The following ZNF608 variants were observed in gnomAD, a reference collection of about 807,000 sequenced individuals.
The protein encoded by ZNF608 is zinc finger protein 608.
ZNF608 carries 12 observed loss-of-function variants against 109.0 expected under a neutral mutation model. The ratio of observed to expected loss-of-function variants is 0.11; its 90% CI spans 0.07 to 0.18. The LOEUF (loss-of-function observed/expected upper bound fraction) is 0.18, where lower values mean the gene tolerates loss of function less well. Ranked by LOEUF, ZNF608 falls within the 10% of genes least tolerant of loss-of-function variation. The pLI is 1.00. For synonymous variants in ZNF608, 732 were observed against 717.4 expected (o/e 1.02, Z -0.33); for missense variants, 1,707 against 1,879.3 (o/e 0.91, Z 1.70).
chr5:124,690,947 AC>A (rs1390263242), intron 3 of ZNF608, among the ~76,000 whole-genome samples: 26 of 104,224 alleles, frequency 2.5e-4, no homozygotes, highest in African/African-American at 7.5e-4. Flanking sequence ...ACACACACAC[AC>A]ACACACATAA....
chr5:124,747,555 G>A (rs1459874502), upstream of ZNF608, among the ~76,000 whole-genome samples: 1 of 150,704 alleles, frequency 6.6e-6, no homozygotes, highest in Non-Finnish European at 1.5e-5. Flanking sequence ...AGCGTATCAA[G>A]AAAATACTGA....
intron 3 of ZNF608, among the ~76,000 whole-genome samples, chr5:124,690,196 A>G (rs538187586): frequency 6.6e-6 from 1 of 152,344 alleles, no homozygotes; most frequent in African/African-American, 2.4e-5. Flanking sequence ...GAGACAATAA[A>G]AAGATCAGTA....
chr5:124,694,191 T>TCA (rs1752748184), intron 3 of ZNF608, among the ~76,000 whole-genome samples: 1 of 140,806 alleles, frequency 7.1e-6, no homozygotes, highest in Non-Finnish European at 1.5e-5. Flanking sequence ...AGACGGGGTT[T>TCA]CACCGTGTTA....
chr5:124,746,242 C>T lies in ZNF608; in HGVS notation c.-231G>A. 1 of 985,400 alleles carries T rather than the reference C, an allele frequency of 1.0e-6. No individual in the cohort carries two copies. Among genetic ancestry groups the T allele is most frequent in the Non-Finnish European group, 1.2e-6 (1 of 829,944 alleles). The allele number at this position is 985,400 out of a possible 1,614,324, so 61.0% of individuals were successfully genotyped here. On this transcript the variant is annotated 5_prime_UTR_variant, in exon 1 of 10. Transcript: ENST00000513986. ...TAATTAGGCCAGCAAATCAAAATGC[C>T]TTTCCCACTCCACTCGGCAAACAAG...
intron 3 of ZNF608, among the ~76,000 whole-genome samples, chr5:124,671,128 T>C (rs990142000): frequency 1.6e-4 from 25 of 152,098 alleles, no homozygotes; most frequent in African/African-American, 6.0e-4. Flanking sequence ...AAAACATGAA[T>C]ACACATGCAC....
Position 124,739,065 on chromosome 5 carries a change from A to G in ZNF608, c.906+5019T>C, listed in dbSNP as rs564082396. 5.9e-4 allele frequency among the ~76,000 whole-genome samples: 90 copies of G among 152,338 alleles called. 1 individual carries two copies. The South Asian group carries it at 0.014, about 25-fold the overall frequency. On this transcript the variant is annotated intron_variant, in intron 2 of 9. Transcript: ENST00000513986. ...AAGAATGCATTATGTGTTAATGACC[A>G]CAACCAGGGGTCCCTTTCTCGACTC...
chr5:124,677,959 C>T (rs1036440921), intron 3 of ZNF608, among the ~76,000 whole-genome samples: 1 of 152,110 alleles, frequency 6.6e-6, no homozygotes, highest in Non-Finnish European at 1.5e-5. Flanking sequence ...CGTTCTCATC[C>T]TGCTAGATTT....
At chr5:124,677,267 A>G (rs1490836664) in intron 3 of ZNF608, among the ~76,000 whole-genome samples, 1 of 152,206 alleles carries the variant, frequency 6.6e-6, no homozygotes, top group Non-Finnish European at 1.5e-5. Context: ...CCTGAAGGAA[A>G]AGAAAAATAA....
intron 3 of ZNF608, among the ~76,000 whole-genome samples, chr5:124,681,447 A>G (rs1752192982): frequency 6.6e-6 from 1 of 151,998 alleles, no homozygotes. Context: ...ACAGAGCGAG[A>G]CTCCATCTCA....
chr5:124,747,732 T>C (rs138122750), upstream of ZNF608, among the ~76,000 whole-genome samples: 1 of 151,896 alleles, frequency 6.6e-6, no homozygotes, highest in Non-Finnish European at 1.5e-5. Context: ...CGAAATGTAA[T>C]GAGCACAAGA....
intron 2 of ZNF608, among the ~76,000 whole-genome samples, chr5:124,743,013 C>T (rs949808649): frequency 6.6e-6 from 1 of 152,148 alleles, no homozygotes; most frequent in Non-Finnish European, 1.5e-5. Flanking sequence ...CACACACACC[C>T]CTAACTCCTT....
intron 7 of ZNF608, 65 bp downstream of exon 7, chr5:124,643,446 C>G: frequency 6.6e-7 from 1 of 1,509,638 alleles, no homozygotes. Flanking sequence ...CAAGACTGTT[C>G]TCTAGCTTGT....
Position 124,746,523 on chromosome 5 carries a change from G to C in ZNF608, c.-512C>G. The stretch of plus-strand genomic sequence containing the variant: ...GAGAATAATAGTTTTTTAAAAAACA[G>C]AGAGTTTAGAGAAAAAAGTTTTCCC... On this transcript the variant is annotated 5_prime_UTR_variant, in exon 1 of 10. Transcript: ENST00000513986. 4.1e-6 allele frequency: 4 copies of C among 985,252 alleles called. No homozygotes were observed. Among genetic ancestry groups the C allele is most frequent in the Non-Finnish European group, 4.8e-6 (4 of 829,860 alleles). The allele number at this position is 985,252 out of a possible 1,614,324, so 61.0% of individuals were successfully genotyped here. A position where few individuals can be genotyped will look rare whatever the true frequency, so the allele number is the denominator to read the frequency against.
At chr5:124,684,252 T>C (rs188077809) in intron 3 of ZNF608, among the ~76,000 whole-genome samples, 9 of 152,324 alleles carry the variant, frequency 5.9e-5, no homozygotes, top group African/African-American at 2.4e-5. Flanking sequence ...GATTCTGCCA[T>C]GAAGAACACT....
chr5:124,651,889 T>A (rs1750801423), intron 3 of ZNF608, among the ~76,000 whole-genome samples: 1 of 152,292 alleles, frequency 6.6e-6, no homozygotes, highest in South Asian at 2.1e-4. Context: ...GAGGGCCGCC[T>A]GCGCTGCTCG....
intron 2 of ZNF608, among the ~76,000 whole-genome samples, chr5:124,728,813 C>T (rs1748748455): frequency 6.6e-6 from 1 of 152,014 alleles, no homozygotes; most frequent in Admixed American, 6.6e-5. Flanking sequence ...TACCATAAAC[C>T]CCACCCACTT....
chr5:124,689,438 T>G (rs1752522911), intron 3 of ZNF608, among the ~76,000 whole-genome samples: 1 of 149,038 alleles, frequency 6.7e-6, no homozygotes, highest in Admixed American at 6.7e-5. Flanking sequence ...GGTGACAGAG[T>G]TTAAGACCAG....
rs920774630 is a variant in ZNF608 at position 124,745,186 on chromosome 5, G to C, written c.-183-14C>G. 12 of 1,403,030 alleles carry C rather than the reference G, an allele frequency of 8.6e-6. No individual in the cohort carries two copies. Among genetic ancestry groups the C allele is most frequent in the East Asian group, 7.8e-5 (3 of 38,394 alleles). 86.9% of individuals were successfully genotyped at this position (1,403,030 alleles called of 1,614,324 possible). Reference sequence around the variant, plus strand: ...GTCCACCTTTTCCTGTGAAGGGGGGGGGAAAAGTCGAATATTTCTTGTCTG... The same window carrying C: ...GTCCACCTTTTCCTGTGAAGGGGGGCGGAAAAGTCGAATATTTCTTGTCTG... On this transcript the variant is annotated splice_polypyrimidine_tract_variant and intron_variant, in intron 1 of 9. Coordinates refer to ENST00000513986, the MANE Select transcript of ZNF608 (RefSeq NM_020747.3).
chr5:124,709,861 G>C (rs1046098249), intron 2 of ZNF608, among the ~76,000 whole-genome samples: 3 of 152,160 alleles, frequency 2.0e-5, no homozygotes, highest in Non-Finnish European at 4.4e-5. Flanking sequence ...CTGTGTTCTT[G>C]GATTAATCCT....
Sources: gnomAD v4.1 joint callset for allele counts (sites outside exome capture counted in the v4.1 genomes callset) on GRCh38, gnomAD v4.1.1 for gene constraint, MANE v1.5 for transcripts, NCBI Gene and HGNC (gene_info 2026-07-23, HGNC 2026-07-21) for gene names.